NSD2: variants seen among roughly 807,000 people sequenced by gnomAD.
The protein encoded by NSD2 is nuclear receptor binding SET domain protein 2.
Under a neutral mutation model 139.0 loss-of-function variants are expected in NSD2, and 12 were observed. That is an observed-to-expected ratio of 0.09 (90% CI 0.06 to 0.14). The LOEUF (loss-of-function observed/expected upper bound fraction) is 0.14. NSD2 is among the 10% of genes least tolerant of loss of function. The pLI, the probability that NSD2 is intolerant of heterozygous loss-of-function variation, is 1.00. For missense variants in NSD2, 1,155 were observed against 1,745.0 expected (o/e 0.66, Z 6.02); for synonymous variants, 669 against 648.7 (o/e 1.03, Z -0.48).
At chr4:1,977,255 A>G (rs1026195385) in intron 21 of NSD2, among the ~76,000 whole-genome samples, 3 of 152,204 alleles carry the variant, frequency 2.0e-5, no homozygotes, top group African/African-American at 7.2e-5. Flanking sequence ...CAGCACCCGC[A>G]TTTCAGAGAT....
In NSD2 at chr4:1,953,200, G is replaced by T. The variant is rs1372435888; in HGVS notation, c.2138-124G>T. The stretch of plus-strand genomic sequence containing the variant: ...ACTAGTGAGCAAGGTTGGAAACAGG[G>T]CCAGGTGCTTTAGCAGCATGGCTGC... On this transcript the variant is annotated intron_variant, in intron 11 of 21. Transcript: ENST00000508803. The T allele has an allele frequency of 7.0e-6, 11 of 1,571,640 alleles. No individual in the cohort carries two copies. In the East Asian group the frequency reaches 2.6e-4, roughly 37 times the overall value.
At chr4:1,941,366 ATCT>A (rs1181452219) in intron 9 of NSD2, 2 of 1,051,476 alleles carry the variant, frequency 1.9e-6, no homozygotes, top group East Asian at 5.4e-5. Context: ...GCCTGCTGAG[ATCT>A]TCTCTGTTAT....
At position 1,944,099 on chromosome 4, in the gene NSD2, A is replaced by G. The variant is rs905044931; in HGVS notation, c.1881+4321A>G. On this transcript the variant is annotated intron_variant, in intron 9 of 21. Transcript: ENST00000508803. ...GTATCTCAGCGGGGGGTGGGGTGAC[A>G]TCGTTCCCTGGGGACATTGGGAAGG... The G allele has an allele frequency of 1.6e-5, 17 of 1,065,876 alleles. No individual in the cohort carries two copies. In the African/African-American group the frequency reaches 2.1e-4, roughly 13 times the overall value. 66.0% of individuals were successfully genotyped at this position (1,065,876 alleles called of 1,614,324 possible).
At chr4:1,959,851 GA>G (rs61464782) in intron 17 of NSD2, 111 bp downstream of exon 17, 10 of 1,446,810 alleles carry the variant, frequency 6.9e-6, no homozygotes, top group East Asian at 2.4e-5. Flanking sequence ...GTATTTTTTG[GA>G]AAAAAAATTT....
intron 1 of NSD2, among the ~76,000 whole-genome samples, chr4:1,891,025 C>G (rs913128312): frequency 6.6e-6 from 1 of 152,136 alleles, no homozygotes; most frequent in Non-Finnish European, 1.5e-5. Flanking sequence ...TCCCGCGTAG[C>G]TAAGACCACA....
In NSD2 at chr4:1,979,249, T is replaced by C; in HGVS notation, c.*340T>C. On this transcript the variant is annotated 3_prime_UTR_variant, in exon 22 of 22. Coordinates refer to ENST00000508803, the MANE Select transcript of NSD2 (RefSeq NM_001042424.3). ...AATTGGCATATGGAATGTTTTAATC[T>C]CCTCTGAAATGTGTAGCGTAGGCTT... 2 of 277,604 alleles carry C rather than the reference T, an allele frequency of 7.2e-6. No homozygotes were observed. Among genetic ancestry groups the C allele is most frequent in the South Asian group, 3.1e-4 (2 of 6,520 alleles). The allele number at this position is 277,604 out of a possible 1,614,324, so 17.2% of individuals were successfully genotyped here.
At chr4:1,896,769 CTCT>C (rs760950086) in intron 1 of NSD2, among the ~76,000 whole-genome samples, 8 of 148,310 alleles carry the variant, frequency 5.4e-5, no homozygotes, top group Admixed American at 4.8e-4. Flanking sequence ...CTTCTTTCTT[CTCT>C]TTTTTTTCTT....
intron 17 of NSD2, among the ~76,000 whole-genome samples, chr4:1,960,133 T>C (rs959438338): frequency 3.3e-5 from 5 of 152,234 alleles, no homozygotes; most frequent in African/African-American, 1.2e-4. Context: ...CAATGGGATT[T>C]TAGGCAAGAG....
intron 3 of NSD2, among the ~76,000 whole-genome samples, chr4:1,907,162 G>C (rs1334677296): frequency 2.0e-5 from 3 of 152,130 alleles, no homozygotes; most frequent in Admixed American, 2.0e-4. Flanking sequence ...TGAAAATGAG[G>C]AAGATGATAC....
At position 1,918,401 on chromosome 4, in the gene NSD2, C is replaced by A; in HGVS notation, c.1188C>A (p.Pro396=). 6.2e-7 allele frequency: 1 copy of A among 1,614,078 alleles called. No individual in the cohort carries two copies. Among genetic ancestry groups the A allele is most frequent in the Non-Finnish European group, 8.5e-7 (1 of 1,180,030 alleles). The change falls in exon 5 of 22, where the codon CCC becomes CCA. Residue 396 remains proline (P), a synonymous_variant. Coordinates refer to ENST00000508803, the MANE Select transcript of NSD2 (RefSeq NM_001042424.3). ...NPKSVREECI[P]MKRRRRAKLC... ...AGTCTGTGAGAGAAGAGTGCATTCC[C>A]ATGAAGAGAAGGCGGAGGGCCAAAC...
chr4:1,880,087 A>G lies in NSD2; in HGVS notation c.-30+8545A>G, dbSNP rs551628611. Among the ~76,000 whole-genome samples, 8 of 152,266 alleles carry G rather than the reference A, an allele frequency of 5.3e-5. No individual in the cohort carries two copies. In the East Asian group the frequency reaches 1.5e-3, roughly 29 times the overall value. ...ATGATTTTTATTTCATAAAAATGTG[A>G]ATTTCTAGATTTTTGGTTAAAATAT... On this transcript the variant is annotated intron_variant, in intron 1 of 21. Transcript: ENST00000508803.
intron 5 of NSD2, among the ~76,000 whole-genome samples, chr4:1,926,150 A>AT (rs35448464): frequency 0.038 from 4,625 of 121,500 alleles, 176 homozygotes; most frequent in African/African-American, 0.1. Context: ...TTGGGCCTGA[A>AT]TTTTTTTTTT....
intron 17 of NSD2, 127 bp downstream of exon 17, chr4:1,959,867 T>C: frequency 2.3e-6 from 3 of 1,280,394 alleles, no homozygotes; most frequent in Non-Finnish European, 3.2e-6. Context: ...AAATTTTTTT[T>C]GTTTTTGTTT....
At position 1,976,415 on chromosome 4, in the gene NSD2, C is replaced by T; in HGVS notation, c.3622-60C>T. ...CCTGGAGTGTAGCTCGCTCTTCTGC[C>T]CTATTTGCTTCAGCCTGTGTAATTC... On this transcript the variant is annotated intron_variant, in intron 20 of 21. Coordinates refer to ENST00000508803, the MANE Select transcript of NSD2 (RefSeq NM_001042424.3). This position sits in a 1 kb window ranked among gnomAD's most constrained non-coding sequence, Gnocchi z 5.3. The T allele has an allele frequency of 1.3e-6, 2 of 1,560,276 alleles. No individual in the cohort carries two copies. Among genetic ancestry groups the T allele is most frequent in the African/African-American group, 1.3e-5 (1 of 74,180 alleles).
At position 1,978,812 on chromosome 4, in the gene NSD2, G is replaced by T; in HGVS notation, c.4001G>T (p.Arg1334Ile). The part of the protein sequence containing the change: ...CEHDLGAASV[R>I]STKTEKPPPE... ...CATGACTTAGGGGCGGCATCGGTCA[G>T]AAGCACCAAGACTGAGAAGCCCCCC... The change falls in exon 22 of 22, where the codon AGA (arginine) becomes ATA (isoleucine). Residue 1334 changes from arginine to isoleucine, a missense_variant. Arg to Ile is a moderately conservative substitution (Grantham distance 97). Coordinates refer to ENST00000508803, the MANE Select transcript of NSD2 (RefSeq NM_001042424.3). The T allele has an allele frequency of 6.2e-7, 1 of 1,611,652 alleles. No individual in the cohort carries two copies. The highest frequency in any genetic ancestry group is 1.3e-5 in the African/African-American group (1 of 75,050).
chr4:1,887,451 G>A, intron 1 of NSD2: 1 of 152,116 alleles, frequency 6.6e-6, no homozygotes, highest in East Asian at 1.9e-4. Context: ...TCATCTCTTG[G>A]TAGAGTGACA....
Position 1,980,785 on chromosome 4 carries a change from T to C in NSD2, c.*1876T>C, listed in dbSNP as rs1475305518. ...CGCGGCCGTGGCCTCTGAGGGGCAC[T>C]CGCCGGTTAAGACAGGGTGGGAGTA... On this transcript the variant is annotated 3_prime_UTR_variant, in exon 22 of 22. Coordinates refer to ENST00000508803, the MANE Select transcript of NSD2 (RefSeq NM_001042424.3). The C allele has an allele frequency of 4.3e-6, 1 of 233,182 alleles. No individual in the cohort carries two copies. Among genetic ancestry groups the C allele is most frequent in the East Asian group, 6.0e-5 (1 of 16,600 alleles). The allele number at this position is 233,182 out of a possible 1,614,324, so 14.4% of individuals were successfully genotyped here.
intron 3 of NSD2, among the ~76,000 whole-genome samples, chr4:1,914,557 C>T (rs1719107593): frequency 6.6e-6 from 1 of 152,132 alleles, no homozygotes; most frequent in Non-Finnish European, 1.5e-5. Flanking sequence ...AACTCTTGAT[C>T]TGAGGTGATC....
rs1724425092 is a variant in NSD2 at position 1,952,870 on chromosome 4, C to T, written c.2138-454C>T. On this transcript the variant is annotated intron_variant, in intron 11 of 21. Transcript: ENST00000508803. ...CTCCTATCTCACGTCAGAACACTTC[C>T]TGGGTCAGGAAGACACCTGGAGAGT... 3.0e-6 allele frequency: 4 copies of T among 1,334,140 alleles called. No homozygotes were observed. In the Admixed American group the frequency reaches 9.9e-5, roughly 33 times the overall value. 82.6% of individuals were successfully genotyped at this position (1,334,140 alleles called of 1,614,324 possible).
Sources: gnomAD v4.1 joint callset for allele counts (sites outside exome capture counted in the v4.1 genomes callset) on GRCh38, gnomAD v4.1.1 for gene constraint, Gnocchi (gnomAD v3.1) non-coding constraint, MANE v1.5 for transcripts, NCBI Gene and HGNC (gene_info 2026-07-23, HGNC 2026-07-21) for gene names.